The following CPQ variants were observed in gnomAD, a reference collection of about 807,000 sequenced individuals.
CPQ encodes the protein carboxypeptidase Q, also known as Ser-Met dipeptidase.
CPQ carries 37 observed loss-of-function variants against 45.7 expected under a neutral mutation model. The ratio of observed to expected loss-of-function variants is 0.81; its 90% CI spans 0.62 to 1.07. CPQ has a LOEUF of 1.07. CPQ is among the 50% of genes least tolerant of loss of function. The pLI, the probability that CPQ is intolerant of heterozygous loss-of-function variation, is 0.00. For synonymous variants in CPQ, 186 were observed against 205.8 expected (o/e 0.90, Z 0.82); for missense variants, 537 against 572.9 (o/e 0.94, Z 0.64).
chr8:96,868,331 C>G (rs148840947), intron 3 of CPQ, among the ~76,000 whole-genome samples: 1 of 152,138 alleles, frequency 6.6e-6, no homozygotes, highest in Non-Finnish European at 1.5e-5. Flanking sequence ...CTGATTTAGA[C>G]CTTGTGGTCA....
chr8:96,770,768 G>A (rs1027843269), intron 1 of CPQ, among the ~76,000 whole-genome samples: 7 of 147,608 alleles, frequency 4.7e-5, no homozygotes, highest in Non-Finnish European at 7.4e-5. Flanking sequence ...CCGACAGTAG[G>A]TACTTATGCC....
intron 1 of CPQ, among the ~76,000 whole-genome samples, chr8:96,751,941 T>C (rs1055938337): frequency 6.6e-6 from 1 of 152,196 alleles, no homozygotes; most frequent in African/African-American, 2.4e-5. Flanking sequence ...GAAGATGAGA[T>C]GTTTGTAGGT....
intron 3 of CPQ, among the ~76,000 whole-genome samples, chr8:96,862,616 A>G (rs1811940833): frequency 6.6e-6 from 1 of 152,044 alleles, no homozygotes; most frequent in South Asian, 2.1e-4. Flanking sequence ...TTCTAGATAT[A>G]TTGTAGAGCT....
intron 1 of CPQ, among the ~76,000 whole-genome samples, chr8:96,671,730 C>T (rs913505168): frequency 3.9e-4 from 60 of 152,112 alleles, no homozygotes; most frequent in Non-Finnish European, 8.8e-5. Context: ...GAGAAAAGAA[C>T]ATAGTTGCCA....
intron 1 of CPQ, among the ~76,000 whole-genome samples, chr8:96,768,037 C>A (rs1810491949): frequency 6.6e-6 from 1 of 152,110 alleles, no homozygotes. Context: ...CCAAATTTGT[C>A]TCTTTCCAAG....
intron 3 of CPQ, among the ~76,000 whole-genome samples, chr8:96,866,883 A>G (rs1586431408): frequency 6.6e-6 from 1 of 152,120 alleles, no homozygotes; most frequent in Non-Finnish European, 1.5e-5. Flanking sequence ...GGAACACACT[A>G]TCCAGATGTT....
intron 6 of CPQ, among the ~76,000 whole-genome samples, chr8:97,039,277 A>T (rs1810065622): frequency 6.6e-6 from 1 of 152,248 alleles, no homozygotes; most frequent in Non-Finnish European, 1.5e-5. Context: ...TATATTTTAA[A>T]GGATATCTAT....
At chr8:96,810,379 A>G (rs192021516) in intron 2 of CPQ, among the ~76,000 whole-genome samples, 149 of 152,314 alleles carry the variant, frequency 9.8e-4, no homozygotes, top group African/African-American at 3.5e-3. Context: ...TGGTGAGGAC[A>G]TGTGAGATTG....
intron 2 of CPQ, among the ~76,000 whole-genome samples, chr8:96,830,663 C>T (rs1461001579): frequency 6.6e-6 from 1 of 152,048 alleles, no homozygotes; most frequent in African/African-American, 2.4e-5. Flanking sequence ...ATTACTCTAA[C>T]CGAGTCTGAT....
At chr8:96,826,831 C>T (rs144087197) in intron 2 of CPQ, among the ~76,000 whole-genome samples, 4 of 152,068 alleles carry the variant, frequency 2.6e-5, no homozygotes, top group Admixed American at 6.6e-5. Context: ...TCCCTGTGTC[C>T]GTGTGTTTTC....
chr8:97,081,800 C>A (rs759958909), intron 7 of CPQ, among the ~76,000 whole-genome samples: 4 of 152,124 alleles, frequency 2.6e-5, no homozygotes, highest in African/African-American at 4.8e-5. Context: ...GATTAAGGAG[C>A]TGTGTAGAAA....
intron 4 of CPQ, among the ~76,000 whole-genome samples, chr8:96,936,545 C>A (rs1289328312): frequency 2.6e-5 from 4 of 152,142 alleles, no homozygotes; most frequent in Non-Finnish European, 5.9e-5. Flanking sequence ...ACAGAGGAAC[C>A]AGTACAGGTC....
At chr8:97,046,271 T>G (rs1400649895) in intron 6 of CPQ, among the ~76,000 whole-genome samples, 1 of 152,158 alleles carries the variant, frequency 6.6e-6, no homozygotes, top group Non-Finnish European at 1.5e-5. Context: ...CTATTCCTTT[T>G]TTTTTTTTCC....
chr8:96,733,424 A>T (rs557346015), intron 1 of CPQ, among the ~76,000 whole-genome samples: 115 of 152,318 alleles, frequency 7.5e-4, no homozygotes, highest in African/African-American at 2.7e-3. Context: ...GACTTTATGT[A>T]TTATGGTGCT....
chr8:96,774,177 A>G (rs2130800352), intron 1 of CPQ, among the ~76,000 whole-genome samples: 1 of 152,120 alleles, frequency 6.6e-6, no homozygotes, highest in East Asian at 1.9e-4. Flanking sequence ...AGACTGAGAC[A>G]GGGGAATTGC....
intron 3 of CPQ, among the ~76,000 whole-genome samples, chr8:96,854,530 CAAAAAAAAAAAAAA>C (rs1156706371): frequency 2.3e-4 from 2 of 8,698 alleles, no homozygotes; most frequent in African/African-American, 4.1e-4. Flanking sequence ...GACTCCGTCT[CAAAAAAAAAAAAAA>C]AAAAAAAAAA....
intron 7 of CPQ, among the ~76,000 whole-genome samples, chr8:97,076,554 T>C (rs1333210354): frequency 6.6e-6 from 1 of 152,188 alleles, no homozygotes; most frequent in Non-Finnish European, 1.5e-5. Flanking sequence ...TCTACTTCCA[T>C]CTTTTTTCTT....
intron 5 of CPQ, among the ~76,000 whole-genome samples, chr8:96,975,989 A>G (rs137976870): frequency 1.4e-3 from 210 of 152,222 alleles, no homozygotes; most frequent in African/African-American, 4.8e-3. Context: ...TCCTAGCTAG[A>G]GTCATCAGAC....
At chr8:97,084,148 C>T (rs576757845) in intron 7 of CPQ, among the ~76,000 whole-genome samples, 1 of 152,160 alleles carries the variant, frequency 6.6e-6, no homozygotes, top group South Asian at 2.1e-4. Flanking sequence ...AAAGTTCAGA[C>T]GTGGATTTTA....
Sources: gnomAD v4.1 joint callset for allele counts (sites outside exome capture counted in the v4.1 genomes callset) on GRCh38, gnomAD v4.1.1 for gene constraint, MANE v1.5 for transcripts, NCBI Gene and HGNC (gene_info 2026-07-23, HGNC 2026-07-21) for gene names.